The following ABTB2 variants were observed in gnomAD, a reference collection of about 807,000 sequenced individuals.
ABTB2 encodes ankyrin repeat and BTB/POZ domain-containing protein 2.
In ABTB2, 56 loss-of-function variants were observed where a neutral mutation model predicts 104.1. That is an observed-to-expected ratio of 0.54 (90% CI 0.43 to 0.67). ABTB2 has a LOEUF of 0.67. Ranked by LOEUF, ABTB2 falls within the 30% of genes least tolerant of loss-of-function variation. ABTB2 has a pLI of 0.00. For missense variants in ABTB2, 1,279 were observed against 1,407.7 expected (o/e 0.91, Z 1.46); for synonymous variants, 606 against 608.2 (o/e 1.00, Z 0.05).
chr11:34,154,494 A>T lies in ABTB2; in HGVS notation c.2767-116T>A. ...CCTGCTGCCTCCACCCTCAGGCCCCACTACCTTCTGATACTCCTGGGCCTA... is the reference window on the plus strand; with the variant it reads ...CCTGCTGCCTCCACCCTCAGGCCCCTCTACCTTCTGATACTCCTGGGCCTA... On this transcript the variant is annotated intron_variant, in intron 15 of 16. Coordinates refer to ENST00000435224, the MANE Select transcript of ABTB2 (RefSeq NM_145804.3). This position sits in a 1 kb window ranked among gnomAD's most constrained non-coding sequence, Gnocchi z 4.9. 1.1e-6 allele frequency: 1 copy of T among 871,980 alleles called. No homozygotes were observed. Among genetic ancestry groups the T allele is most frequent in the Non-Finnish European group, 1.8e-6 (1 of 549,678 alleles). The allele number at this position is 871,980 out of a possible 1,614,324, so 54.0% of individuals were successfully genotyped here.
chr11:34,176,279 C>CAAAAAAA (rs58009507), intron 3 of ABTB2, among the ~76,000 whole-genome samples: 18 of 74,700 alleles, frequency 2.4e-4, no homozygotes, highest in East Asian at 4.4e-4. Context: ...GACTCCGTCT[C>CAAAAAAA]AAAAAAAAAA....
At chr11:34,156,373 G>C (rs1450048997) in intron 14 of ABTB2, among the ~76,000 whole-genome samples, 2 of 152,206 alleles carry the variant, frequency 1.3e-5, no homozygotes, top group South Asian at 2.1e-4. Context: ...TGTGGGGCTA[G>C]AGGCTGCTTG....
At chr11:34,227,013 G>A (rs1853695669) in intron 1 of ABTB2, among the ~76,000 whole-genome samples, 1 of 152,128 alleles carries the variant, frequency 6.6e-6, no homozygotes, top group African/African-American at 2.4e-5. Context: ...AGTGAGCTGA[G>A]ATGGCACCAC....
At chr11:34,264,462 G>T (rs1375750996) in intron 1 of ABTB2, among the ~76,000 whole-genome samples, 2 of 152,256 alleles carry the variant, frequency 1.3e-5, no homozygotes, top group Non-Finnish European at 2.9e-5. Context: ...TCATGGCCCA[G>T]ATCCATGGGA....
Position 34,162,715 on chromosome 11 carries a change from T to G in ABTB2, c.2079A>C (p.Glu693Asp). The change falls in exon 10 of 17, where the codon GAA becomes GAC. Residue 693 changes from glutamate (E) to aspartate (D), a missense_variant. Coordinates refer to ENST00000435224, the MANE Select transcript of ABTB2 (RefSeq NM_145804.3). ...CACTGCCCTGGCTCGACGCATCACT[T>G]TCCTCCACACCCTCGGCCAGGATCT... ...LEEILAEGVEESDASSQGSGS... is the reference protein window; with the variant it reads ...LEEILAEGVEDSDASSQGSGS... 3 of 1,612,482 alleles carry G rather than the reference T, an allele frequency of 1.9e-6. No individual in the cohort carries two copies. The highest frequency in any genetic ancestry group is 2.5e-6 in the Non-Finnish European group (3 of 1,180,030).
At position 34,160,420 on chromosome 11, in the gene ABTB2, G is replaced by A. The variant is rs543495448; in HGVS notation, c.2398-67C>T. Reference sequence around the variant, plus strand: ...GCTGGCTGTTCACAGATGCAGATACGTCAGGCTAATTTCAAAAGTCCAGGC... The same window carrying A: ...GCTGGCTGTTCACAGATGCAGATACATCAGGCTAATTTCAAAAGTCCAGGC... On this transcript the variant is annotated intron_variant, in intron 11 of 16. Coordinates refer to ENST00000435224, the MANE Select transcript of ABTB2 (RefSeq NM_145804.3). 3.6e-5 allele frequency: 42 copies of A among 1,161,268 alleles called. No homozygotes were observed. The Admixed American group carries it at 4.3e-4, about 12-fold the overall frequency. The allele number at this position is 1,161,268 out of a possible 1,614,324, so 71.9% of individuals were successfully genotyped here.
At chr11:34,270,170 A>G (rs1200919228) in intron 1 of ABTB2, among the ~76,000 whole-genome samples, 1 of 152,158 alleles carries the variant, frequency 6.6e-6, no homozygotes, top group African/African-American at 2.4e-5. Flanking sequence ...CAGGGTGTTG[A>G]TGCAGGGCTG....
intron 1 of ABTB2, among the ~76,000 whole-genome samples, chr11:34,353,417 G>A (rs755978593): frequency 7.2e-5 from 11 of 152,246 alleles, no homozygotes; most frequent in Non-Finnish European, 7.4e-5. Context: ...GAGTGGATGC[G>A]AAAAGTTTCT....
chr11:34,309,564 T>G (rs1307637978), intron 1 of ABTB2, among the ~76,000 whole-genome samples: 1 of 151,978 alleles, frequency 6.6e-6, no homozygotes, highest in Non-Finnish European at 1.5e-5. Context: ...TTCTTCCAAA[T>G]CTCACTGCTC....
In ABTB2 at chr11:34,151,255, G is replaced by C. The variant is rs1429128265; in HGVS notation, c.*1132C>G. On this transcript the variant is annotated 3_prime_UTR_variant, in exon 17 of 17. Coordinates refer to ENST00000435224, the MANE Select transcript of ABTB2 (RefSeq NM_145804.3). ...AAGGTGCGGCCAGACAGCTGAAGAA[G>C]TTGCACCCAGACAGACTGTGCCTGA... 5 of 152,284 alleles carry C rather than the reference G, an allele frequency of 3.3e-5. No homozygotes were observed. Among genetic ancestry groups the C allele is most frequent in the Non-Finnish European group, 7.3e-5 (5 of 68,030 alleles). The allele number at this position is 152,284 out of a possible 1,614,324, so 9.4% of individuals were successfully genotyped here.
In ABTB2 at chr11:34,154,135, C is replaced by T. The variant is rs1274530875; in HGVS notation, c.2880+130G>A. The T allele has an allele frequency of 2.9e-6, 2 of 697,236 alleles. No individual in the cohort carries two copies. Among genetic ancestry groups the T allele is most frequent in the Non-Finnish European group, 5.1e-6 (2 of 394,392 alleles). 43.2% of individuals were successfully genotyped at this position (697,236 alleles called of 1,614,324 possible). Reference sequence around the variant, plus strand: ...GGAGTTGCTAACCCTCCCTCAGCCTCTACACTGCCCTCAGAAGCAGCCTGG... The same window carrying T: ...GGAGTTGCTAACCCTCCCTCAGCCTTTACACTGCCCTCAGAAGCAGCCTGG... On this transcript the variant is annotated intron_variant, in intron 16 of 16. Transcript: ENST00000435224. This position sits in a 1 kb window ranked among gnomAD's most constrained non-coding sequence, Gnocchi z 4.9.
intron 1 of ABTB2, among the ~76,000 whole-genome samples, chr11:34,212,246 G>A (rs1262163407): frequency 6.6e-6 from 1 of 152,160 alleles, no homozygotes; most frequent in Admixed American, 6.5e-5. Flanking sequence ...TAGTAGAGAC[G>A]GGGTTTCGCC....
At chr11:34,188,191 C>T (rs1853126782) in intron 3 of ABTB2, among the ~76,000 whole-genome samples, 1 of 152,218 alleles carries the variant, frequency 6.6e-6, no homozygotes, top group South Asian at 2.1e-4. Flanking sequence ...AATGGCAGAG[C>T]CGGGACCCCA....
At chr11:34,232,760 G>C (rs1246132301) in intron 1 of ABTB2, among the ~76,000 whole-genome samples, 1 of 151,940 alleles carries the variant, frequency 6.6e-6, no homozygotes, top group Non-Finnish European at 1.5e-5. Context: ...GGATCACTGA[G>C]ACCAGTTTGG....
chr11:34,177,935 T>G (rs1852976964), intron 3 of ABTB2, among the ~76,000 whole-genome samples: 1 of 152,144 alleles, frequency 6.6e-6, no homozygotes, highest in Non-Finnish European at 1.5e-5. Context: ...AACTCACAGT[T>G]CCAGGCGCTG....
intron 1 of ABTB2, among the ~76,000 whole-genome samples, chr11:34,306,236 A>ATTTTTTTTTTTTTTTTTTTTTTTT (rs34872949): frequency 1.4e-5 from 1 of 71,960 alleles, no homozygotes; most frequent in African/African-American, 4.9e-5. Flanking sequence ...GGAAAGTTTG[A>ATTTTTTTTTTTTTTTTTTTTTTTT]TTTTTTTTTT....
rs995195808 is a variant in ABTB2, at chr11:34,263,460, T to A, written c.884-58770A>T. On this transcript the variant is annotated intron_variant, in intron 1 of 16. Transcript: ENST00000435224. ...GTTCTCAGCTTTTAATTAGCACACC[T>A]GAGTGCAGACCCCTCCCTCATGCTT... Among the ~76,000 whole-genome samples, 5 of 152,204 alleles carry A rather than the reference T, an allele frequency of 3.3e-5. No homozygotes were observed. In the East Asian group the frequency reaches 9.6e-4, roughly 29 times the overall value.
At chr11:34,249,459 T>C (rs911333819) in intron 1 of ABTB2, among the ~76,000 whole-genome samples, 1 of 152,260 alleles carries the variant, frequency 6.6e-6, no homozygotes, top group East Asian at 1.9e-4. Flanking sequence ...CACCAAGGCT[T>C]CTCAAATAGT....
chr11:34,335,187 C>T (rs996109381), intron 1 of ABTB2: 31 of 1,265,342 alleles, frequency 2.4e-5, no homozygotes, highest in Non-Finnish European at 3.1e-5. Context: ...TACAACTACA[C>T]GGGTACCCCA....
Sources: allele counts gnomAD v4.1 joint callset (sites outside exome capture counted in the v4.1 genomes callset), GRCh38; gene constraint gnomAD v4.1.1; non-coding constraint Gnocchi (gnomAD v3.1); transcripts MANE v1.5; gene names NCBI Gene and HGNC (gene_info 2026-07-23, HGNC 2026-07-21).